Variants in NRN1 observed in about 807,000 individuals in gnomAD.
NRN1 encodes the protein neuritin 1, also known as neuritin.
In NRN1, 4 loss-of-function variants were observed where a neutral mutation model predicts 15.0. The observed-to-expected ratio is 0.27, with a 90% CI of 0.13 to 0.61. The LOEUF is 0.61. NRN1 is among the 20% of genes least tolerant of loss of function. The probability of loss-of-function intolerance (pLI) is 0.87; values close to 1 mark genes in which losing one functional copy is unlikely to be tolerated. For synonymous variants in NRN1, 85 were observed against 79.8 expected (o/e 1.07, Z -0.35); for missense variants, 134 against 181.9 (o/e 0.74, Z 1.51).
At chr6:6,006,585 C>G in intron 1 of NRN1, 110 bp downstream of exon 1, 1 of 989,934 alleles carries the variant, frequency 1.0e-6, no homozygotes, top group Non-Finnish European at 1.6e-6. Context: ...GGATTGCCGG[C>G]TTCTCCGCAC....
Position 5,998,376 on chromosome 6 carries a change from C to G in NRN1, c.*600G>C, listed in dbSNP as rs1420559378. 2 of 152,382 alleles carry G rather than the reference C, an allele frequency of 1.3e-5. No individual in the cohort carries two copies. Among genetic ancestry groups the G allele is most frequent in the Non-Finnish European group, 2.9e-5 (2 of 68,188 alleles). 9.4% of individuals were successfully genotyped at this position (152,382 alleles called of 1,614,324 possible). On this transcript the variant is annotated 3_prime_UTR_variant, in exon 3 of 3. Transcript: ENST00000244766. Reference sequence around the variant, plus strand: ...ACCCCAGAGATTTCCTCAGCCCCTTCCCTCTCTCCCTCCTATCCTCCAAAC... The same window carrying G: ...ACCCCAGAGATTTCCTCAGCCCCTTGCCTCTCTCCCTCCTATCCTCCAAAC...
chr6:6,004,226 C>T (rs1342183908), intron 1 of NRN1, among the ~76,000 whole-genome samples: 1 of 152,204 alleles, frequency 6.6e-6, no homozygotes, highest in Admixed American at 6.5e-5. Flanking sequence ...CATTAAATAC[C>T]CTTGCGACTA....
chr6:6,003,396 G>C (rs1361829405), intron 1 of NRN1: 1 of 527,112 alleles, frequency 1.9e-6, no homozygotes, highest in East Asian at 3.5e-5. Flanking sequence ...CCGCCACTCG[G>C]CTCCCCAGAC....
At chr6:6,007,066 A>ATT, upstream of NRN1, 1 of 327,918 alleles carries the variant, frequency 3.0e-6, no homozygotes, top group African/African-American at 2.2e-5. Flanking sequence ...ACACGGAATG[A>ATT]TTTTTTTTTT....
rs1335373312 is a variant in NRN1 at position 5,998,728 on chromosome 6, AGACG to A, written c.*244_*247del. On this transcript the variant is annotated 3_prime_UTR_variant, in exon 3 of 3. Coordinates refer to ENST00000244766, the MANE Select transcript of NRN1 (RefSeq NM_016588.3). ...TTGCCGTTTTCTTATTTGTGTGTGA[AGACG>A]GACTAAAGCTGAGGTCCGATTTTGG... 1 of 431,874 alleles carries A rather than the reference AGACG, an allele frequency of 2.3e-6. No homozygotes were observed. The highest frequency in any genetic ancestry group is 4.1e-6 in the Non-Finnish European group (1 of 244,038). The allele number at this position is 431,874 out of a possible 1,614,324, so 26.8% of individuals were successfully genotyped here. A position where few individuals can be genotyped will look rare whatever the true frequency, so the allele number is the denominator to read the frequency against.
chr6:6,005,220 A>G (rs1758076372), intron 1 of NRN1, among the ~76,000 whole-genome samples: 2 of 152,122 alleles, frequency 1.3e-5, no homozygotes, highest in Admixed American at 1.3e-4. Flanking sequence ...TATCTCAAAA[A>G]CAACTCTCTC....
intron 1 of NRN1, among the ~76,000 whole-genome samples, chr6:6,004,873 T>C (rs1326086002): frequency 2.0e-5 from 3 of 152,082 alleles, no homozygotes; most frequent in Admixed American, 2.0e-4. Flanking sequence ...CCGAACTTCC[T>C]CCTGCTGCGT....
chr6:6,004,127 G>A, intron 1 of NRN1: 1 of 822,828 alleles, frequency 1.2e-6, no homozygotes, highest in Non-Finnish European at 1.5e-6. Flanking sequence ...GGAACGGGAA[G>A]CACTGGGGAA....
chr6:6,002,213 G>T (rs548488155), intron 2 of NRN1, 140 bp downstream of exon 2: 9 of 1,105,962 alleles, frequency 8.1e-6, no homozygotes, highest in East Asian at 2.4e-5. Flanking sequence ...AGGCCTGGGG[G>T]TTGGAGCCAG....
At chr6:6,002,842 A>C in intron 1 of NRN1, 5 of 378,256 alleles carry the variant, frequency 1.3e-5, no homozygotes, top group South Asian at 1.3e-4. Context: ...CATCCCTTTT[A>C]TTTCTCTTTC....
At chr6:6,000,754 C>CTTTTTTTTTT (rs1561902807) in intron 2 of NRN1, among the ~76,000 whole-genome samples, 2 of 83,748 alleles carry the variant, frequency 2.4e-5, no homozygotes, top group African/African-American at 9.0e-5. Context: ...TTTTTATGTA[C>CTTTTTTTTTT]GCCCAGATGA....
At position 6,005,020 on chromosome 6, in the gene NRN1, A is replaced by T. The variant is rs189298578; in HGVS notation, c.55+1675T>A. On this transcript the variant is annotated intron_variant, in intron 1 of 2. Transcript: ENST00000244766. The stretch of plus-strand genomic sequence containing the variant: ...GAGGTTCTGTTGCAGGAAAGGGCAG[A>T]CATTAGGGAACAAATACGTTCAATT... 3.9e-5 allele frequency among the ~76,000 whole-genome samples: 6 copies of T among 152,128 alleles called. No individual in the cohort carries two copies. In the East Asian group the frequency reaches 1.2e-3, roughly 30 times the overall value.
intron 2 of NRN1, 75 bp downstream of exon 2, chr6:6,002,278 C>T (rs886574304): frequency 1.8e-5 from 28 of 1,541,064 alleles, no homozygotes; most frequent in Non-Finnish European, 2.2e-5. Context: ...TGAGCGCAGG[C>T]GGGGAGGCTC....
intron 1 of NRN1, chr6:6,003,146 T>A: frequency 8.3e-7 from 1 of 1,200,532 alleles, no homozygotes; most frequent in Non-Finnish European, 1.0e-6. Flanking sequence ...ATGGATTGTT[T>A]CATTATAAAA....
intron 2 of NRN1, 140 bp downstream of exon 2, chr6:6,002,213 G>A: frequency 1.8e-6 from 2 of 1,105,966 alleles, no homozygotes; most frequent in East Asian, 2.4e-5. Context: ...AGGCCTGGGG[G>A]TTGGAGCCAG....
chr6:5,998,611 T>A lies in NRN1; in HGVS notation c.*365A>T, dbSNP rs373909882. ...CCCATCATTTTTCATGTTACTAGCATGATTAATATAGTAGGTGGCCCAGGG... is the reference window on the plus strand; with the variant it reads ...CCCATCATTTTTCATGTTACTAGCAAGATTAATATAGTAGGTGGCCCAGGG... On this transcript the variant is annotated 3_prime_UTR_variant, in exon 3 of 3. Transcript: ENST00000244766. 161 of 167,988 alleles carry A rather than the reference T, an allele frequency of 9.6e-4. 4 individuals are homozygous for A. In the South Asian group the frequency reaches 0.023, roughly 24 times the overall value. The allele number at this position is 167,988 out of a possible 1,614,324, so 10.4% of individuals were successfully genotyped here.
At position 6,006,770 on chromosome 6, in the gene NRN1, T is replaced by C; in HGVS notation, c.-21A>G. On this transcript the variant is annotated 5_prime_UTR_variant, in exon 1 of 3. Coordinates refer to ENST00000244766, the MANE Select transcript of NRN1 (RefSeq NM_016588.3). ...CCCATCCTACGTTTAGTCAAACCAT[T>C]TGCGACCGCAGACCTTTAAATAGTT... The C allele has an allele frequency of 1.2e-6, 2 of 1,613,202 alleles. No individual in the cohort carries two copies. The highest frequency in any genetic ancestry group is 1.7e-6 in the Non-Finnish European group (2 of 1,179,164).
intron 1 of NRN1, among the ~76,000 whole-genome samples, chr6:6,004,616 T>C (rs913285391): frequency 6.6e-6 from 1 of 152,222 alleles, no homozygotes; most frequent in Non-Finnish European, 1.5e-5. Context: ...TGAACATTTC[T>C]GTCTTTTAAA....
chr6:5,998,615 T>C lies in NRN1; in HGVS notation c.*361A>G, dbSNP rs1264997021. The C allele has an allele frequency of 2.3e-5, 4 of 171,388 alleles. No homozygotes were observed. Among genetic ancestry groups the C allele is most frequent in the Non-Finnish European group, 3.8e-5 (3 of 79,772 alleles). The allele number at this position is 171,388 out of a possible 1,614,324, so 10.6% of individuals were successfully genotyped here. ...TCATTTTTCATGTTACTAGCATGATTAATATAGTAGGTGGCCCAGGGCCGT... is the reference window on the plus strand; with the variant it reads ...TCATTTTTCATGTTACTAGCATGATCAATATAGTAGGTGGCCCAGGGCCGT... On this transcript the variant is annotated 3_prime_UTR_variant, in exon 3 of 3. Transcript: ENST00000244766.
Sources: allele counts gnomAD v4.1 joint callset (sites outside exome capture counted in the v4.1 genomes callset), GRCh38; gene constraint gnomAD v4.1.1; transcripts MANE v1.5; gene names NCBI Gene and HGNC (gene_info 2026-07-23, HGNC 2026-07-21).